The following DLG5 variants were observed in gnomAD, a reference collection of about 807,000 sequenced individuals.
DLG5 encodes the protein discs large MAGUK scaffold protein 5, also known as disks large homolog 5.
A neutral mutation model predicts 189.8 loss-of-function variants in DLG5; 48 were observed. That is an observed-to-expected ratio of 0.25 (90% CI 0.20 to 0.32). The LOEUF (loss-of-function observed/expected upper bound fraction) is 0.32. Ranked by LOEUF, DLG5 falls within the 10% of genes least tolerant of loss-of-function variation. The pLI is 1.00. For synonymous variants in DLG5, 1,016 were observed against 1,054.1 expected, an observed-to-expected ratio of 0.96 and a Z score of 0.70; for missense variants, 2,160 against 2,544.7, an observed-to-expected ratio of 0.85 and a Z score of 3.25.
intron 2 of DLG5, chr10:77,867,234 G>A (rs1451302094): frequency 5.2e-6 from 2 of 383,932 alleles, no homozygotes; most frequent in Non-Finnish European, 1.0e-5. Context: ...TAATTGCTAT[G>A]GGTTAGGCAA....
At chr10:77,865,747 G>A (rs953331981) in intron 2 of DLG5, among the ~76,000 whole-genome samples, 2 of 152,118 alleles carry the variant, frequency 1.3e-5, no homozygotes, top group Non-Finnish European at 1.5e-5. Flanking sequence ...GGAGGGCCTC[G>A]GGGAAGCTGT....
chr10:77,792,768 T>C, intron 31 of DLG5: 1 of 529,374 alleles, frequency 1.9e-6, no homozygotes, highest in Non-Finnish European at 3.4e-6. Context: ...CCCACTGCAG[T>C]TAACACCCTG....
chr10:77,826,293 T>G (rs1012130741), intron 13 of DLG5, among the ~76,000 whole-genome samples: 2 of 152,154 alleles, frequency 1.3e-5, no homozygotes, highest in South Asian at 2.1e-4. Flanking sequence ...CTGCTGCCAC[T>G]AAGGAATGAC....
chr10:77,843,561 C>T lies in DLG5; in HGVS notation c.1010G>A (p.Arg337His), dbSNP rs772926425. ...GTTCTCCTCCCCCAGCTGCTCCAGGCGGCTCAGGTCTGCATTGTGGATGGC... is the reference window on the plus strand; with the variant it reads ...GTTCTCCTCCCCCAGCTGCTCCAGGTGGCTCAGGTCTGCATTGTGGATGGC... ...KVAIHNADLS[R>H]LEQLGEENQR... Residue 337 changes from arginine (R) to histidine (H), a missense_variant, in exon 6 of 32, where the codon CGC becomes CAC. Coordinates refer to ENST00000372391, the MANE Select transcript of DLG5 (RefSeq NM_004747.4). The T allele has an allele frequency of 8.7e-6, 14 of 1,614,070 alleles. No individual in the cohort carries two copies. Among genetic ancestry groups the T allele is most frequent in the African/African-American group, 4.0e-5 (3 of 74,932 alleles).
chr10:77,817,225 C>A (rs546101608), intron 18 of DLG5, 129 bp from the exon 19 acceptor site: 13 of 821,628 alleles, frequency 1.6e-5, no homozygotes, highest in Non-Finnish European at 2.3e-5. Context: ...CCCAAGGGAG[C>A]CTTGATATGG....
At chr10:77,828,486 C>CAAAAAA (rs34839290) in intron 13 of DLG5, among the ~76,000 whole-genome samples, 709 of 66,298 alleles carry the variant, frequency 0.011, 18 homozygotes, top group Non-Finnish European at 0.016. Flanking sequence ...GACTCCATAT[C>CAAAAAA]AAAAAAAAAA....
In DLG5 at chr10:77,817,061, T is replaced by C. The variant is rs758821431; in HGVS notation, c.3820A>G (p.Ile1274Val). The change falls in exon 19 of 32, where the codon ATT becomes GTT. Residue 1274 changes from isoleucine (I) to valine (V), a missense_variant. Ile to Val is a conservative substitution (Grantham distance 29, BLOSUM62 3). Transcript: ENST00000372391. ...SSNLQFKAER[I>V]KIPSTPRYPR... is the part of the protein sequence containing the mutation. The stretch of plus-strand genomic sequence containing the variant: ...TATCTTGGTGTTGATGGGATTTTAA[T>C]GCGTTCCGCCTTGAACTGCAAGTTA... The C allele has an allele frequency of 2.5e-6, 4 of 1,614,218 alleles. No individual in the cohort carries two copies. Among genetic ancestry groups the C allele is most frequent in the Non-Finnish European group, 3.4e-6 (4 of 1,180,038 alleles).
Position 77,821,440 on chromosome 10 carries a change from G to A in DLG5, c.3044C>T (p.Pro1015Leu), listed in dbSNP as rs1341524467. 1.2e-6 allele frequency: 2 copies of A among 1,612,934 alleles called. No homozygotes were observed. Among genetic ancestry groups the A allele is most frequent in the Admixed American group, 3.3e-5 (2 of 60,026 alleles). Residue 1015 changes from proline (P) to leucine (L), a missense_variant, in exon 15 of 32, where the codon CCT (proline) becomes CTT (leucine). Transcript: ENST00000372391. Reference protein sequence around the residue: ...KRAGPLTPPKPPRRSDSIKFQ... With the variant: ...KRAGPLTPPKLPRRSDSIKFQ... Reference sequence around the variant, plus strand: ...CTTAATGGAGTCGCTCCTTCTGGGAGGTTTTGGGGGTGTCAGAGGCCCCGC... The same window carrying A: ...CTTAATGGAGTCGCTCCTTCTGGGAAGTTTTGGGGGTGTCAGAGGCCCCGC...
chr10:77,835,864 C>T lies in DLG5; in HGVS notation c.1496G>A (p.Arg499Gln), dbSNP rs750819054. The change falls in exon 8 of 32, where the codon CGA becomes CAA. Residue 499 changes from arginine (R) to glutamine (Q), a missense_variant. By Grantham distance (43) the Arg-to-Gln change is conservative. Around this residue, in one of 5 missense-constraint regions of DLG5, gnomAD observed 664 missense variants for 838.5 expected, o/e 0.79. Transcript: ENST00000372391. ...GRANKEVEIL[R>Q]KQCKALCQEL... ...CTGGCACAGAGCCTTGCACTGCTTT[C>T]GAAGGATTTCAACCTCCTTGTTGGC... is the stretch of plus-strand genomic sequence containing the variant. 49 of 1,613,918 alleles carry T rather than the reference C, an allele frequency of 3.0e-5. No individual in the cohort carries two copies. In the East Asian group the frequency reaches 6.5e-4, roughly 21 times the overall value.
chr10:77,933,023 G>T, the DLG5 span, among the ~76,000 whole-genome samples: 5 of 152,138 alleles, frequency 3.3e-5, no homozygotes, highest in African/African-American at 7.2e-5. Flanking sequence ...GGCAAATATA[G>T]CCCTGAGGGC....
chr10:77,835,598 G>A (rs1843088134), intron 8 of DLG5, 140 bp downstream of exon 8: 1 of 855,382 alleles, frequency 1.2e-6, no homozygotes, highest in Non-Finnish European at 1.7e-6. Flanking sequence ...GCATCAACTA[G>A]GGGTGAGAAA....
intron 1 of DLG5, among the ~76,000 whole-genome samples, chr10:77,877,785 G>A (rs1217154199): frequency 1.3e-5 from 2 of 152,138 alleles, no homozygotes; most frequent in Non-Finnish European, 2.9e-5. Context: ...GCCCTGGAAG[G>A]TGGGGGTGGA....
intron 20 of DLG5, among the ~76,000 whole-genome samples, chr10:77,814,386 A>G (rs974999981): frequency 1.3e-5 from 2 of 149,498 alleles, no homozygotes; most frequent in African/African-American, 5.0e-5. Context: ...TATAAAGTAT[A>G]CTTAAACTAT....
intron 1 of DLG5, among the ~76,000 whole-genome samples, chr10:77,882,636 G>A (rs1296680848): frequency 6.6e-6 from 1 of 152,122 alleles, no homozygotes; most frequent in Non-Finnish European, 1.5e-5. Context: ...AGAAGGCCAG[G>A]TGCAGTGGCT....
intron 1 of DLG5, among the ~76,000 whole-genome samples, chr10:77,916,811 C>A (rs1452141243): frequency 6.6e-6 from 1 of 150,878 alleles, no homozygotes; most frequent in Non-Finnish European, 1.5e-5. Flanking sequence ...ATTTGTACAC[C>A]CATGGTGTCA....
chr10:77,894,222 A>G (rs373492456), intron 1 of DLG5, among the ~76,000 whole-genome samples: 12 of 152,168 alleles, frequency 7.9e-5, no homozygotes, highest in Non-Finnish European at 1.5e-4. Context: ...CTGGAGCCCA[A>G]CTGCCTGCCT....
chr10:77,895,708 G>A (rs1261042857), intron 1 of DLG5, among the ~76,000 whole-genome samples: 1 of 152,182 alleles, frequency 6.6e-6, no homozygotes, highest in Non-Finnish European at 1.5e-5. Context: ...GCTATCCTGG[G>A]GATATCAGTA....
intron 20 of DLG5, among the ~76,000 whole-genome samples, chr10:77,813,829 G>A (rs934662489): frequency 1.3e-5 from 2 of 152,242 alleles, no homozygotes; most frequent in African/African-American, 4.8e-5. Flanking sequence ...ACGGGGTGGG[G>A]AGGCCCGATC....
intron 1 of DLG5, among the ~76,000 whole-genome samples, chr10:77,913,178 G>A (rs572270211): frequency 6.6e-6 from 1 of 152,240 alleles, no homozygotes; most frequent in South Asian, 2.1e-4. Flanking sequence ...AGGAAACCAT[G>A]GCTAAACAGT....
Sources: gnomAD v4.1 joint callset for allele counts (sites outside exome capture counted in the v4.1 genomes callset) on GRCh38, gnomAD v4.1.1 for gene constraint, gnomAD v4.1.1 regional missense constraint, MANE v1.5 for transcripts, NCBI Gene and HGNC (gene_info 2026-07-23, HGNC 2026-07-21) for gene names.